Variants in PRKAG2 observed in about 807,000 individuals in gnomAD.
PRKAG2 encodes protein kinase AMP-activated non-catalytic subunit gamma 2, also known as 5'-AMP-activated protein kinase subunit gamma-2.
Under a neutral mutation model 69.6 loss-of-function variants are expected in PRKAG2, and 26 were observed. That is an observed-to-expected ratio of 0.37 (90% CI 0.27 to 0.52). The LOEUF (loss-of-function observed/expected upper bound fraction) is 0.52, where lower values mean the gene tolerates loss of function less well. PRKAG2 is among the 20% of genes least tolerant of loss of function. The pLI is 0.90. For synonymous variants in PRKAG2, 293 were observed against 285.0 expected (o/e 1.03, Z -0.28); for missense variants, 557 against 740.0 (o/e 0.75, Z 2.87).
At chr7:151,631,706 A>T (rs755368217) in intron 5 of PRKAG2, 1 of 460,588 alleles carries the variant, frequency 2.2e-6, no homozygotes, top group South Asian at 1.5e-5. Context: ...TGTGGGTATG[A>T]TTCGGGGTTG....
chr7:151,843,677 C>A (rs1443550908), intron 1 of PRKAG2, among the ~76,000 whole-genome samples: 1 of 152,192 alleles, frequency 6.6e-6, no homozygotes, highest in African/African-American at 2.4e-5. Flanking sequence ...GTGAGGCCCC[C>A]CAAGGAAGTT....
chr7:151,561,655 G>C (rs112179308), intron 14 of PRKAG2, among the ~76,000 whole-genome samples: 9 of 152,200 alleles, frequency 5.9e-5, no homozygotes, highest in Non-Finnish European at 1.2e-4. Flanking sequence ...CATGATGGCC[G>C]GGCGCGATGG....
chr7:151,776,452 A>G (rs760366694), intron 3 of PRKAG2, among the ~76,000 whole-genome samples: 3 of 152,218 alleles, frequency 2.0e-5, no homozygotes, highest in Admixed American at 6.5e-5. Context: ...TACTCAACAG[A>G]AAAAGGCAGC....
chr7:151,832,189 C>G (rs13233608), intron 1 of PRKAG2, among the ~76,000 whole-genome samples: 1 of 147,264 alleles, frequency 6.8e-6, no homozygotes, highest in Admixed American at 6.7e-5. Context: ...AGGGTGGACA[C>G]TAGTGACTGA....
At chr7:151,577,435 A>C (rs1287868951) in intron 6 of PRKAG2, among the ~76,000 whole-genome samples, 3 of 152,248 alleles carry the variant, frequency 2.0e-5, no homozygotes, top group Non-Finnish European at 4.4e-5. Flanking sequence ...CAACCTTATT[A>C]ATAACCCAAG....
intron 1 of PRKAG2, among the ~76,000 whole-genome samples, chr7:151,869,727 G>A (rs1019209668): frequency 4.6e-5 from 7 of 152,210 alleles, no homozygotes; most frequent in Admixed American, 2.0e-4. Context: ...CCAATGTGCC[G>A]TGCCCCACTG....
At position 151,780,002 on chromosome 7, in the gene PRKAG2, G is replaced by A. The variant is rs2151800977; in HGVS notation, c.466+1150C>T. On this transcript the variant is annotated intron_variant, in intron 3 of 15. Coordinates refer to ENST00000287878, the MANE Select transcript of PRKAG2 (RefSeq NM_016203.4). This position sits in a 1 kb window ranked among gnomAD's most constrained non-coding sequence, Gnocchi z 4.2. ...CCACAGCCTTGAGTGAGGGGTGTGT[G>A]TAGAGCATGGTCAGGACCTGCCCCC... 6.6e-6 allele frequency among the ~76,000 whole-genome samples: 1 copy of A among 152,332 alleles called. No homozygotes were observed. The highest frequency in any genetic ancestry group is 2.4e-5 in the African/African-American group (1 of 41,576).
intron 1 of PRKAG2, among the ~76,000 whole-genome samples, chr7:151,842,927 T>C (rs2079346079): frequency 6.6e-6 from 1 of 151,992 alleles, no homozygotes; most frequent in Admixed American, 6.6e-5. Flanking sequence ...AGGATTCCCT[T>C]CAAGGTCTAG....
At chr7:151,559,705 T>C in intron 15 of PRKAG2, 1 of 985,396 alleles carries the variant, frequency 1.0e-6, no homozygotes, top group Non-Finnish European at 1.2e-6. Flanking sequence ...GAGAAATCAA[T>C]ACTGTAGCAC....
chr7:151,757,609 T>A (rs1476812840), intron 3 of PRKAG2, among the ~76,000 whole-genome samples: 1 of 152,174 alleles, frequency 6.6e-6, no homozygotes, highest in Non-Finnish European at 1.5e-5. Context: ...AAATCTACCA[T>A]TCCACATCTC....
chr7:151,725,172 C>A (rs937897530), intron 3 of PRKAG2, among the ~76,000 whole-genome samples: 9 of 152,100 alleles, frequency 5.9e-5, no homozygotes, highest in African/African-American at 2.2e-4. Flanking sequence ...AAAATGGGGT[C>A]CACATGCACA....
intron 1 of PRKAG2, among the ~76,000 whole-genome samples, chr7:151,804,435 G>T (rs891120006): frequency 6.6e-6 from 1 of 152,172 alleles, no homozygotes; most frequent in Admixed American, 6.5e-5. Flanking sequence ...GATCTCGTGA[G>T]AACTCACTAT....
rs1243792222 is a variant in PRKAG2, at chr7:151,876,594, C to T, written c.27G>A (p.Lys9=). 2.5e-6 allele frequency: 4 copies of T among 1,610,056 alleles called. No homozygotes were observed. Among genetic ancestry groups the T allele is most frequent in the African/African-American group, 1.3e-5 (1 of 74,932 alleles). The change falls in exon 1 of 16, where the codon AAG becomes AAA. Residue 9 remains lysine (K), a synonymous_variant. Transcript: ENST00000287878. ...CGGGGCTGGAAACATCTTTTTTCTT[C>T]TTGGTGTCCATAACCGCGCTTCCCA... The part of the protein sequence containing the change: MGSAVMDT[K]KKKDVSSPGG...
intron 3 of PRKAG2, chr7:151,736,033 T>C (rs1799741292): frequency 3.9e-6 from 6 of 1,535,832 alleles, no homozygotes; most frequent in Non-Finnish European, 5.2e-6. Context: ...GGTGAACATA[T>C]CAGGACCCAC....
In PRKAG2 at chr7:151,781,544, C is replaced by T; in HGVS notation, c.187-113G>A. On this transcript the variant is annotated intron_variant, in intron 2 of 15. Transcript: ENST00000287878. The surrounding 1 kb of genome is among the most constrained non-coding windows in gnomAD (Gnocchi z 6.1). The stretch of plus-strand genomic sequence containing the variant: ...CTCACATGCGGGCCCCCCATAGTAC[C>T]CTCCCAGAGAAACAGCCCTAAGCTC... 1.5e-6 allele frequency: 2 copies of T among 1,317,748 alleles called. No individual in the cohort carries two copies. The highest frequency in any genetic ancestry group is 2.5e-5 in the East Asian group (1 of 39,776). The allele number at this position is 1,317,748 out of a possible 1,614,324, so 81.6% of individuals were successfully genotyped here.
chr7:151,617,368 C>G (rs1382885549), intron 5 of PRKAG2, among the ~76,000 whole-genome samples: 1 of 151,392 alleles, frequency 6.6e-6, no homozygotes, highest in Non-Finnish European at 1.5e-5. Context: ...CGGGATTCAC[C>G]TGCAAATAAT....
Position 151,841,617 on chromosome 7 carries a change from T to C in PRKAG2, c.114+34890A>G, listed in dbSNP as rs188575172. On this transcript the variant is annotated intron_variant, in intron 1 of 15. Transcript: ENST00000287878. ...GGTAGTGATGGGTAGTGATAGTAGG[T>C]AGGGATGGTAGTGATAGTAGTGATG... is the stretch of plus-strand genomic sequence containing the variant. Among the ~76,000 whole-genome samples the C allele has an allele frequency of 1.7e-4, 23 of 134,128 alleles. No homozygotes were observed. The East Asian group carries it at 5.4e-3, about 31-fold the overall frequency. The allele number at this position is 134,128 out of a possible 152,430, so 88.0% of individuals were successfully genotyped here.
chr7:151,566,915 T>C (rs1806387292), intron 11 of PRKAG2, among the ~76,000 whole-genome samples: 1 of 152,188 alleles, frequency 6.6e-6, no homozygotes, highest in Non-Finnish European at 1.5e-5. Flanking sequence ...AAACCTTTAG[T>C]TAGCTGAATA....
chr7:151,860,282 C>T (rs2151905573), intron 1 of PRKAG2, among the ~76,000 whole-genome samples: 1 of 152,360 alleles, frequency 6.6e-6, no homozygotes, highest in Non-Finnish European at 1.5e-5. Context: ...AGACCACAGG[C>T]TGGGCATGCT....
Sources: allele counts gnomAD v4.1 joint callset (sites outside exome capture counted in the v4.1 genomes callset), GRCh38; gene constraint gnomAD v4.1.1; non-coding constraint Gnocchi (gnomAD v3.1); transcripts MANE v1.5; gene names NCBI Gene and HGNC (gene_info 2026-07-23, HGNC 2026-07-21).